BTRC: variants seen among roughly 807,000 people sequenced by gnomAD.
BTRC encodes F-box/WD repeat-containing protein 1A.
BTRC carries 42 observed loss-of-function variants against 85.5 expected under a neutral mutation model. That is an observed-to-expected ratio of 0.49 (90% CI 0.38 to 0.64). BTRC has a LOEUF of 0.64. Among genes scored for constraint, BTRC ranks in the 30% least tolerant of loss-of-function variants. BTRC has a pLI of 0.00. For missense variants in BTRC, 594 were observed against 743.5 expected, an observed-to-expected ratio of 0.80 and a Z score of 2.34; for synonymous variants, 255 against 263.3, an observed-to-expected ratio of 0.97 and a Z score of 0.30.
chr10:101,441,135 G>A (rs1316204566), intron 2 of BTRC, among the ~76,000 whole-genome samples: 3 of 152,138 alleles, frequency 2.0e-5, no homozygotes, highest in Non-Finnish European at 4.4e-5. Context: ...ATTTCTACAG[G>A]ATGAATGAAA....
intron 1 of BTRC, among the ~76,000 whole-genome samples, chr10:101,420,847 G>C (rs1043674769): frequency 6.6e-6 from 1 of 151,774 alleles, no homozygotes; most frequent in African/African-American, 2.4e-5. Context: ...AGAGGTATCA[G>C]TTAAATTTTA....
At chr10:101,374,786 TAA>T (rs35956327) in intron 1 of BTRC, among the ~76,000 whole-genome samples, 2,280 of 145,466 alleles carry the variant, frequency 0.016, 46 homozygotes, top group South Asian at 0.094. Context: ...GTATAATAAA[TAA>T]AAAAAAAAAA....
At chr10:101,453,229 G>A (rs1363711593) in intron 2 of BTRC, among the ~76,000 whole-genome samples, 3 of 152,130 alleles carry the variant, frequency 2.0e-5, no homozygotes, top group Non-Finnish European at 4.4e-5. Context: ...TTTGCAATTA[G>A]TTACTAGAAA....
intron 14 of BTRC, chr10:101,551,184 T>C (rs2062643592): frequency 4.3e-6 from 1 of 232,112 alleles, no homozygotes; most frequent in Admixed American, 5.2e-5. Context: ...GAGATTTGAA[T>C]CAGTTTGAAA....
At chr10:101,424,096 T>G (rs1168470407) in intron 1 of BTRC, among the ~76,000 whole-genome samples, 2 of 151,952 alleles carry the variant, frequency 1.3e-5, no homozygotes, top group Non-Finnish European at 2.9e-5. Context: ...TAGTCAGGCG[T>G]GGTGGTGCAT....
In BTRC at chr10:101,517,909, C is replaced by CTT. The variant is rs142382301; in HGVS notation, c.325-3710_325-3709dup. On this transcript the variant is annotated intron_variant, in intron 4 of 14. Transcript: ENST00000370187. The stretch of plus-strand genomic sequence containing the variant: ...CTTCCATGGACTGTTGAAGTAGTGT[C>CTT]TTTTTTTTTTTTTTTTTTTTTGAGA... Among the ~76,000 whole-genome samples, 110 of 116,082 alleles carry CTT rather than the reference C, an allele frequency of 9.5e-4. 1 individual carries two copies. The highest frequency in any genetic ancestry group is 3.1e-3 in the East Asian group (12 of 3,826). The allele number at this position is 116,082 out of a possible 152,430, so 76.2% of individuals were successfully genotyped here.
At chr10:101,487,824 GC>G (rs1946029335) in intron 4 of BTRC, among the ~76,000 whole-genome samples, 1 of 152,110 alleles carries the variant, frequency 6.6e-6, no homozygotes, top group African/African-American at 2.4e-5. Flanking sequence ...GCTGCACAAT[GC>G]CAGGCTCAGT....
chr10:101,530,142 A>C (rs1050978192), intron 6 of BTRC, among the ~76,000 whole-genome samples: 3 of 152,182 alleles, frequency 2.0e-5, no homozygotes, highest in African/African-American at 7.2e-5. Context: ...AGATACTAAC[A>C]AATGTTGCTC....
At chr10:101,430,933 CTG>C (rs973229028) in intron 2 of BTRC, among the ~76,000 whole-genome samples, 59 of 151,912 alleles carry the variant, frequency 3.9e-4, no homozygotes, top group African/African-American at 1.1e-3. Context: ...TTTTTTATAA[CTG>C]TTTTATTTAT....
At chr10:101,515,345 T>C (rs189244734) in intron 4 of BTRC, among the ~76,000 whole-genome samples, 1 of 152,208 alleles carries the variant, frequency 6.6e-6, no homozygotes, top group Non-Finnish European at 1.5e-5. Context: ...ATTTGCCTGC[T>C]GAGACTTTGA....
At chr10:101,377,296 C>T (rs547965540) in intron 1 of BTRC, among the ~76,000 whole-genome samples, 1 of 152,212 alleles carries the variant, frequency 6.6e-6, no homozygotes, top group East Asian at 1.9e-4. Flanking sequence ...TTTATTCACT[C>T]CTGAAGGACA....
chr10:101,539,091 C>G (rs1169858168), intron 13 of BTRC, among the ~76,000 whole-genome samples: 1 of 152,002 alleles, frequency 6.6e-6, no homozygotes, highest in East Asian at 1.9e-4. Context: ...CATGAATCCC[C>G]CTGGTCAACC....
intron 3 of BTRC, among the ~76,000 whole-genome samples, chr10:101,478,795 A>T (rs931885623): frequency 2.0e-4 from 30 of 151,106 alleles, no homozygotes; most frequent in African/African-American, 7.3e-4. Context: ...AAAAAAAAAA[A>T]AGAAAAGAAA....
chr10:101,495,769 C>T (rs950105637), intron 4 of BTRC, among the ~76,000 whole-genome samples: 8 of 151,820 alleles, frequency 5.3e-5, no homozygotes, highest in East Asian at 1.9e-4. Flanking sequence ...TGAATTTTCA[C>T]GAAGTGAACA....
At chr10:101,366,674 A>G (rs553933200) in intron 1 of BTRC, among the ~76,000 whole-genome samples, 1 of 147,194 alleles carries the variant, frequency 6.8e-6, no homozygotes, top group East Asian at 2.0e-4. Context: ...GGGCAGGTGC[A>G]GTGAGTTATA....
chr10:101,428,784 G>A (rs2134075636), intron 1 of BTRC, among the ~76,000 whole-genome samples: 1 of 152,222 alleles, frequency 6.6e-6, no homozygotes, highest in African/African-American at 2.4e-5. Context: ...CTAAAATCAG[G>A]GGATATACAT....
intron 4 of BTRC, among the ~76,000 whole-genome samples, chr10:101,500,027 A>T (rs1345818773): frequency 6.6e-6 from 1 of 151,284 alleles, no homozygotes; most frequent in Non-Finnish European, 1.5e-5. Flanking sequence ...GCTCTTAATA[A>T]AGTTTTGAGA....
At position 101,557,303 on chromosome 10, in the gene BTRC, A is replaced by T. The variant is rs1026199936; in HGVS notation, c.*4180A>T. 1 of 152,186 alleles carries T rather than the reference A, an allele frequency of 6.6e-6. No homozygotes were observed. The highest frequency in any genetic ancestry group is 2.4e-5 in the African/African-American group (1 of 41,424). 9.4% of individuals were successfully genotyped at this position (152,186 alleles called of 1,614,324 possible). A position where few individuals can be genotyped will look rare whatever the true frequency, so the allele number is the denominator to read the frequency against. On this transcript the variant is annotated 3_prime_UTR_variant, in exon 15 of 15. Transcript: ENST00000370187. ...AAAAAAAGTAAATTACAAATATAAGATTAAAGTGAATTTTCTAAGCGTCTT... is the reference window on the plus strand; with the variant it reads ...AAAAAAAGTAAATTACAAATATAAGTTTAAAGTGAATTTTCTAAGCGTCTT...
intron 4 of BTRC, among the ~76,000 whole-genome samples, chr10:101,520,708 A>G (rs1296614943): frequency 6.6e-6 from 1 of 152,202 alleles, no homozygotes; most frequent in Non-Finnish European, 1.5e-5. Context: ...CTGTAATCCC[A>G]GTACTTTGGG....
Sources: gnomAD v4.1 joint callset for allele counts (sites outside exome capture counted in the v4.1 genomes callset) on GRCh38, gnomAD v4.1.1 for gene constraint, MANE v1.5 for transcripts, NCBI Gene and HGNC (gene_info 2026-07-23, HGNC 2026-07-21) for gene names.